The following AK5 variants were observed in gnomAD, a reference collection of about 807,000 sequenced individuals.
AK5 encodes adenylate kinase isoenzyme 5.
In AK5, 27 loss-of-function variants were observed where a neutral mutation model predicts 69.5. The observed-to-expected ratio is 0.39, with a 90% CI of 0.29 to 0.54. AK5 has a LOEUF of 0.54. Among genes scored for constraint, AK5 ranks in the 20% least tolerant of loss-of-function variants. The pLI, the probability that AK5 is intolerant of heterozygous loss-of-function variation, is 0.71. For missense variants in AK5, 531 were observed against 700.4 expected, an observed-to-expected ratio of 0.76 and a Z score of 2.73; for synonymous variants, 260 against 244.4, an observed-to-expected ratio of 1.06 and a Z score of -0.60.
intron 8 of AK5, among the ~76,000 whole-genome samples, chr1:77,483,113 C>T (rs1655374087): frequency 1.3e-5 from 2 of 149,124 alleles, no homozygotes; most frequent in Non-Finnish European, 3.0e-5. Context: ...ATTCTGAGCT[C>T]TGTCCCTCAC....
At chr1:77,453,895 T>C (rs1221294579) in intron 8 of AK5, among the ~76,000 whole-genome samples, 1 of 152,214 alleles carries the variant, frequency 6.6e-6, no homozygotes, top group African/African-American at 2.4e-5. Flanking sequence ...TCAGTTTCAT[T>C]CCATAGCCCT....
intron 10 of AK5, among the ~76,000 whole-genome samples, chr1:77,501,730 G>A (rs1385044293): frequency 1.3e-5 from 2 of 152,168 alleles, no homozygotes; most frequent in African/African-American, 4.8e-5. Flanking sequence ...GTGGAAGGAT[G>A]CAAATATAGA....
intron 8 of AK5, among the ~76,000 whole-genome samples, chr1:77,432,352 G>GGAAAT (rs1228403447): frequency 1.3e-5 from 2 of 152,084 alleles, no homozygotes; most frequent in African/African-American, 4.8e-5. Context: ...GAGGCTTGGA[G>GGAAAT]GAAATGGCTC....
At chr1:77,359,287 T>C (rs1414065088) in intron 6 of AK5, among the ~76,000 whole-genome samples, 1 of 151,850 alleles carries the variant, frequency 6.6e-6, no homozygotes, top group African/African-American at 2.4e-5. Context: ...AGAGAACCCA[T>C]TAAGATTCTA....
At chr1:77,464,338 G>T (rs1162234041) in intron 8 of AK5, among the ~76,000 whole-genome samples, 1 of 152,182 alleles carries the variant, frequency 6.6e-6, no homozygotes, top group Admixed American at 6.5e-5. Flanking sequence ...CTTCCCCGAG[G>T]CTCCACCCCA....
intron 5 of AK5, among the ~76,000 whole-genome samples, chr1:77,339,301 G>A (rs369889896): frequency 6.2e-4 from 95 of 152,276 alleles, no homozygotes; most frequent in African/African-American, 2.2e-3. Flanking sequence ...TTTTTGCCTC[G>A]TCCCATTCTC....
intron 13 of AK5, among the ~76,000 whole-genome samples, chr1:77,550,466 C>T (rs776606455): frequency 2.0e-5 from 3 of 152,102 alleles, no homozygotes; most frequent in Admixed American, 6.6e-5. Context: ...TATTGCAGGA[C>T]GTATTACTTT....
At chr1:77,553,186 A>G (rs1659902544) in intron 13 of AK5, among the ~76,000 whole-genome samples, 1 of 152,222 alleles carries the variant, frequency 6.6e-6, no homozygotes, top group Non-Finnish European at 1.5e-5. Context: ...GTTAAGTAGT[A>G]TTGGTTGCAG....
chr1:77,325,835 G>T (rs1458275690), intron 5 of AK5, among the ~76,000 whole-genome samples: 1 of 151,894 alleles, frequency 6.6e-6, no homozygotes, highest in African/African-American at 2.4e-5. Context: ...ACACCTATCA[G>T]TGCATTTCCA....
Position 77,471,241 on chromosome 1 carries a change from G to A in AK5, c.1060-12076G>A, listed in dbSNP as rs563922773. Among the ~76,000 whole-genome samples the A allele has an allele frequency of 5.3e-5, 8 of 151,964 alleles. No individual in the cohort carries two copies. In the South Asian group the frequency reaches 1.5e-3, roughly 28 times the overall value. On this transcript the variant is annotated intron_variant, in intron 8 of 13. Transcript: ENST00000354567. The stretch of plus-strand genomic sequence containing the variant: ...TTTGGAATCAAGCAGACCTGAATTC[G>A]AACTCTATCTCACACACTTTCTAGC...
chr1:77,391,453 GTATATATATATACACA>G (rs1557554096), intron 6 of AK5, among the ~76,000 whole-genome samples: 7 of 122,736 alleles, frequency 5.7e-5, no homozygotes, highest in South Asian at 5.3e-4. Flanking sequence ...ATATGTGTGT[GTATATATATATACACA>G]TATGTGTGTG....
chr1:77,443,828 A>AG (rs946299583), intron 8 of AK5, among the ~76,000 whole-genome samples: 3 of 151,864 alleles, frequency 2.0e-5, no homozygotes, highest in African/African-American at 7.3e-5. Context: ...TATATGTGTA[A>AG]GGTATACAAC....
chr1:77,396,382 A>G (rs1388278596), intron 6 of AK5, among the ~76,000 whole-genome samples: 1 of 152,192 alleles, frequency 6.6e-6, no homozygotes. Context: ...TCAATTACAC[A>G]AAGAGCCCAG....
rs532726470 is a variant in AK5 at position 77,298,990 on chromosome 1, G to A, written c.699+1043G>A. On this transcript the variant is annotated intron_variant, in intron 5 of 13. Coordinates refer to ENST00000354567, the MANE Select transcript of AK5 (RefSeq NM_174858.3). ...GTTAGGTTTGTTATATATTCTTCCA[G>A]ACCTTTTTCTATACTTACATGCATA... 3.3e-5 allele frequency among the ~76,000 whole-genome samples: 5 copies of A among 152,184 alleles called. No homozygotes were observed. The East Asian group carries it at 9.7e-4, about 29-fold the overall frequency.
intron 5 of AK5, among the ~76,000 whole-genome samples, chr1:77,311,542 A>G (rs1659962634): frequency 6.6e-6 from 1 of 152,148 alleles, no homozygotes; most frequent in Admixed American, 6.5e-5. Context: ...CTATAGTTCT[A>G]GTACAGTTTG....
At chr1:77,330,922 A>C (rs1287998600) in intron 5 of AK5, among the ~76,000 whole-genome samples, 1 of 152,026 alleles carries the variant, frequency 6.6e-6, no homozygotes, top group Non-Finnish European at 1.5e-5. Context: ...CCTTCATTAG[A>C]TTTTCCCCCT....
chr1:77,288,094 C>T (rs2100643548), intron 2 of AK5, among the ~76,000 whole-genome samples: 1 of 152,296 alleles, frequency 6.6e-6, no homozygotes, highest in East Asian at 1.9e-4. Context: ...TTAATCTAAT[C>T]TAGGCATTTG....
At chr1:77,326,787 A>G (rs1250523658) in intron 5 of AK5, among the ~76,000 whole-genome samples, 3 of 152,208 alleles carry the variant, frequency 2.0e-5, no homozygotes, top group Admixed American at 6.5e-5. Context: ...TCAAGGAGAA[A>G]TAACACTGTT....
chr1:77,508,499 C>A (rs911580783), intron 10 of AK5, among the ~76,000 whole-genome samples: 8 of 152,266 alleles, frequency 5.3e-5, no homozygotes, highest in African/African-American at 1.9e-4. Context: ...AACCTCTGCT[C>A]CAAACCAGTA....
Sources: allele counts gnomAD v4.1 joint callset (sites outside exome capture counted in the v4.1 genomes callset), GRCh38; gene constraint gnomAD v4.1.1; transcripts MANE v1.5; gene names NCBI Gene and HGNC (gene_info 2026-07-23, HGNC 2026-07-21).